The following PLA2G12A variants were observed in gnomAD, a reference collection of about 807,000 sequenced individuals.
PLA2G12A encodes the protein phospholipase A2 group XIIA, also known as group XIIA secretory phospholipase A2.
A neutral mutation model predicts 16.0 loss-of-function variants in PLA2G12A; 11 were observed. The observed-to-expected ratio is 0.69, with a 90% CI of 0.43 to 1.13. PLA2G12A has a LOEUF of 1.13. Among genes scored for constraint, PLA2G12A ranks in the 50% most tolerant of loss-of-function variants. The pLI is 0.00. For missense variants in PLA2G12A, 214 were observed against 237.3 expected (o/e 0.90, Z 0.65); for synonymous variants, 77 against 93.8 (o/e 0.82, Z 1.03).
At chr4:109,717,966 T>C (rs1730857420) in intron 2 of PLA2G12A, among the ~76,000 whole-genome samples, 2 of 152,174 alleles carry the variant, frequency 1.3e-5, no homozygotes, top group Admixed American at 1.3e-4. Flanking sequence ...CAGTTACCTG[T>C]CAGTAACAAA....
chr4:109,728,067 G>A (rs759544078), intron 1 of PLA2G12A, among the ~76,000 whole-genome samples: 1 of 152,188 alleles, frequency 6.6e-6, no homozygotes, highest in Non-Finnish European at 1.5e-5. Context: ...TGTCTGGAAT[G>A]CTGTTTCTCC....
chr4:109,727,045 T>C (rs1032022360), intron 1 of PLA2G12A, among the ~76,000 whole-genome samples: 2 of 152,008 alleles, frequency 1.3e-5, no homozygotes, highest in Non-Finnish European at 2.9e-5. Context: ...TTTGGTCACC[T>C]GAATTCCAAA....
At chr4:109,716,469 A>G (rs746559455) in intron 3 of PLA2G12A, among the ~76,000 whole-genome samples, 4 of 152,194 alleles carry the variant, frequency 2.6e-5, no homozygotes, top group Non-Finnish European at 5.9e-5. Flanking sequence ...AAGTGCTTAA[A>G]ATGTTATTTT....
In PLA2G12A at chr4:109,713,599, G is replaced by C. The variant is rs1351466358; in HGVS notation, c.*778C>G. On this transcript the variant is annotated 3_prime_UTR_variant, in exon 4 of 4. Coordinates refer to ENST00000243501, the MANE Select transcript of PLA2G12A (RefSeq NM_030821.5). ...ATTAAATCCATCTTTTCTCTAACTT[G>C]GCAAAGGTTATAGCAAAAGATGACA... is the stretch of plus-strand genomic sequence containing the variant. 1.3e-5 allele frequency: 2 copies of C among 152,140 alleles called. No individual in the cohort carries two copies. The highest frequency in any genetic ancestry group is 2.9e-5 in the Non-Finnish European group (2 of 68,038). 9.4% of individuals were successfully genotyped at this position (152,140 alleles called of 1,614,324 possible).
At chr4:109,721,274 C>T (rs139990282) in intron 1 of PLA2G12A, among the ~76,000 whole-genome samples, 22 of 152,030 alleles carry the variant, frequency 1.4e-4, no homozygotes, top group Middle Eastern at 3.4e-3. Flanking sequence ...ACAGATGAGT[C>T]ACCATGATCC....
intron 1 of PLA2G12A, among the ~76,000 whole-genome samples, chr4:109,723,915 CAT>C (rs1722867580): frequency 6.6e-6 from 1 of 152,054 alleles, no homozygotes; most frequent in African/African-American, 2.4e-5. Context: ...TAATGAAAAA[CAT>C]ATTGAGTGTG....
At position 109,710,250 on chromosome 4, in the gene PLA2G12A, ACTC is replaced by A. The variant is rs1321950325; in HGVS notation, c.*4124_*4126del. ...GATCTTGCCTAATAAGTTTCATTCT[ACTC>A]CTCAAAGTTACTGAAGTCAGTCAAC... On this transcript the variant is annotated 3_prime_UTR_variant, in exon 4 of 4. Coordinates refer to ENST00000243501, the MANE Select transcript of PLA2G12A (RefSeq NM_030821.5). The A allele has an allele frequency of 1.3e-5, 2 of 152,280 alleles. No homozygotes were observed. Among genetic ancestry groups the A allele is most frequent in the Admixed American group, 1.3e-4 (2 of 15,298 alleles). 9.4% of individuals were successfully genotyped at this position (152,280 alleles called of 1,614,324 possible). A position where few individuals can be genotyped will look rare whatever the true frequency, so the allele number is the denominator to read the frequency against.
intron 1 of PLA2G12A, among the ~76,000 whole-genome samples, chr4:109,724,413 C>A (rs1456695135): frequency 3.9e-5 from 6 of 151,978 alleles, no homozygotes; most frequent in African/African-American, 1.4e-4. Flanking sequence ...TGAGCCATCG[C>A]GCCCGGCCTT....
intron 1 of PLA2G12A, among the ~76,000 whole-genome samples, chr4:109,725,392 T>C (rs1052228344): frequency 6.6e-6 from 1 of 152,226 alleles, no homozygotes; most frequent in Non-Finnish European, 1.5e-5. Flanking sequence ...TGTATTAATA[T>C]TTTAAATTTT....
chr4:109,719,966 A>G (rs1730894271), intron 1 of PLA2G12A, among the ~76,000 whole-genome samples: 1 of 152,206 alleles, frequency 6.6e-6, no homozygotes, highest in African/African-American at 2.4e-5. Flanking sequence ...CATTAAAATG[A>G]AGTATGCTTG....
rs193194333 is a variant in PLA2G12A, at chr4:109,727,405, C to T, written c.208+2197G>A. 5.9e-5 allele frequency among the ~76,000 whole-genome samples: 9 copies of T among 152,218 alleles called. No individual in the cohort carries two copies. The East Asian group carries it at 1.7e-3, about 29-fold the overall frequency. On this transcript the variant is annotated intron_variant, in intron 1 of 3. Transcript: ENST00000243501. ...GGATTACAGGCATGAGCCATTACGTCCTGCCTAATTTTTTTTTTCATTGAG... is the reference window on the plus strand; with the variant it reads ...GGATTACAGGCATGAGCCATTACGTTCTGCCTAATTTTTTTTTTCATTGAG...
In PLA2G12A at chr4:109,710,560, G is replaced by A. The variant is rs1730705178; in HGVS notation, c.*3817C>T. The stretch of plus-strand genomic sequence containing the variant: ...AGCTCACTGCAACCTCTGCTTCCCA[G>A]GTTCAACCAATTCTTGTGCCTTCAC... On this transcript the variant is annotated 3_prime_UTR_variant, in exon 4 of 4. Transcript: ENST00000243501. 1.3e-5 allele frequency: 2 copies of A among 152,360 alleles called. No homozygotes were observed. The highest frequency in any genetic ancestry group is 2.9e-5 in the Non-Finnish European group (2 of 68,090). The allele number at this position is 152,360 out of a possible 1,614,324, so 9.4% of individuals were successfully genotyped here.
At chr4:109,717,384 T>C (rs1275748631) in intron 3 of PLA2G12A, among the ~76,000 whole-genome samples, 164 bp downstream of exon 3, 1 of 152,246 alleles carries the variant, frequency 6.6e-6, no homozygotes, top group Non-Finnish European at 1.5e-5. Context: ...TAAATCATTT[T>C]AGATTATAAA....
rs1049133416 is a variant in PLA2G12A, at chr4:109,714,295, A to G, written c.*82T>C. On this transcript the variant is annotated 3_prime_UTR_variant, in exon 4 of 4. Transcript: ENST00000243501. ...AATAATCCTTTCACAAAAATAAGAC[A>G]GTTTTATGTTGTAAAAACATTAGTT... 72 of 917,344 alleles carry G rather than the reference A, an allele frequency of 7.8e-5. No homozygotes were observed. The highest frequency in any genetic ancestry group is 1.2e-4 in the Non-Finnish European group (71 of 568,304). The allele number at this position is 917,344 out of a possible 1,614,324, so 56.8% of individuals were successfully genotyped here. A position where few individuals can be genotyped will look rare whatever the true frequency, so the allele number is the denominator to read the frequency against.
At position 109,729,568 on chromosome 4, in the gene PLA2G12A, C is replaced by T. The variant is rs753078186; in HGVS notation, c.208+34G>A. Reference sequence around the variant, plus strand: ...CTCCGTCACCCCAATCCCCCGAAAGCACGAGCCCTCGCTGGGCCCGGGTGC... The same window carrying T: ...CTCCGTCACCCCAATCCCCCGAAAGTACGAGCCCTCGCTGGGCCCGGGTGC... On this transcript the variant is annotated intron_variant, in intron 1 of 3. Coordinates refer to ENST00000243501, the MANE Select transcript of PLA2G12A (RefSeq NM_030821.5). The T allele has an allele frequency of 3.1e-6, 5 of 1,592,904 alleles. No individual in the cohort carries two copies. In the South Asian group the frequency reaches 5.6e-5, roughly 18 times the overall value.
At chr4:109,714,519 A>G (rs1730792907) in intron 3 of PLA2G12A, 24 bp from the exon 4 acceptor site, 3 of 1,485,098 alleles carry the variant, frequency 2.0e-6, no homozygotes, top group Non-Finnish European at 2.8e-6. Context: ...AAATGGGATT[A>G]CTGTTGGGCA....
Position 109,713,910 on chromosome 4 carries a change from C to T in PLA2G12A, c.*467G>A, listed in dbSNP as rs1730777803. 6.4e-6 allele frequency: 1 copy of T among 155,084 alleles called. No homozygotes were observed. 9.6% of individuals were successfully genotyped at this position (155,084 alleles called of 1,614,324 possible). ...TGTAATTAAAATAGAAAAAAAAAGT[C>T]CGTTCCTTCTAGGCATAAATGTGTA... is the stretch of plus-strand genomic sequence containing the variant. On this transcript the variant is annotated 3_prime_UTR_variant, in exon 4 of 4. Coordinates refer to ENST00000243501, the MANE Select transcript of PLA2G12A (RefSeq NM_030821.5).
Position 109,712,269 on chromosome 4 carries a change from C to T in PLA2G12A, c.*2108G>A, listed in dbSNP as rs376426988. On this transcript the variant is annotated 3_prime_UTR_variant, in exon 4 of 4. Coordinates refer to ENST00000243501, the MANE Select transcript of PLA2G12A (RefSeq NM_030821.5). The stretch of plus-strand genomic sequence containing the variant: ...GGAACTGGGTGAGTGGTCACAGAAG[C>T]TCTCCATGTATCTTTGCAACTTTTC... 1.3e-5 allele frequency: 2 copies of T among 152,128 alleles called. No homozygotes were observed. The highest frequency in any genetic ancestry group is 3.9e-4 in the East Asian group (2 of 5,178). The allele number at this position is 152,128 out of a possible 1,614,324, so 9.4% of individuals were successfully genotyped here.
intron 1 of PLA2G12A, among the ~76,000 whole-genome samples, chr4:109,721,917 C>T (rs142392924): frequency 4.6e-5 from 7 of 152,070 alleles, no homozygotes; most frequent in African/African-American, 1.7e-4. Flanking sequence ...CACTTCTTAC[C>T]ACCTCCACTA....
Sources: gnomAD v4.1 joint callset for allele counts (sites outside exome capture counted in the v4.1 genomes callset) on GRCh38, gnomAD v4.1.1 for gene constraint, MANE v1.5 for transcripts, NCBI Gene and HGNC (gene_info 2026-07-23, HGNC 2026-07-21) for gene names.